Variants in MARCHF6 observed in about 807,000 individuals in gnomAD.
MARCHF6 encodes the protein membrane associated ring-CH-type finger 6, also known as E3 ubiquitin-protein ligase MARCHF6.
MARCHF6 carries 31 observed loss-of-function variants against 133.7 expected under a neutral mutation model. The ratio of observed to expected loss-of-function variants is 0.23; its 90% CI spans 0.17 to 0.31. The LOEUF is 0.31. Ranked by LOEUF, MARCHF6 falls within the 10% of genes least tolerant of loss-of-function variation. MARCHF6 has a pLI of 1.00. For missense variants in MARCHF6, 723 were observed against 1,121.6 expected (o/e 0.64, Z 5.08); for synonymous variants, 395 against 402.5 (o/e 0.98, Z 0.22).
chr5:10,373,633 G>A lies in MARCHF6; in HGVS notation c.20-4165G>A, dbSNP rs146495046. On this transcript the variant is annotated intron_variant, in intron 1 of 25. Transcript: ENST00000274140. ...GCCATACCCCAGGCCATAGTCAATG[G>A]CCGACCCGTCACGATGTTCCTGGAG... 2.9e-3 allele frequency among the ~76,000 whole-genome samples: 442 copies of A among 152,236 alleles called. 1 individual carries two copies. The highest frequency in any genetic ancestry group is 5.0e-3 in the Non-Finnish European group (339 of 68,024).
At chr5:10,402,502 G>T in intron 13 of MARCHF6, 31 bp from the exon 14 acceptor site, 9 of 1,612,146 alleles carry the variant, frequency 5.6e-6, no homozygotes, top group Non-Finnish European at 7.6e-6. Context: ...CTACATTTGG[G>T]TGATACTGAT....
chr5:10,417,842 G>A (rs1490107200), intron 22 of MARCHF6, among the ~76,000 whole-genome samples: 1 of 149,944 alleles, frequency 6.7e-6, no homozygotes, highest in East Asian at 2.0e-4. Flanking sequence ...TTATAAAATT[G>A]TTTAATGCTC....
chr5:10,397,438 A>G lies in MARCHF6; in HGVS notation c.913+94A>G, dbSNP rs575872880. 2.5e-5 allele frequency: 23 copies of G among 909,296 alleles called. 1 individual carries two copies. The South Asian group carries it at 3.9e-4, about 15-fold the overall frequency. 56.3% of individuals were successfully genotyped at this position (909,296 alleles called of 1,614,324 possible). A position where few individuals can be genotyped will look rare whatever the true frequency, so the allele number is the denominator to read the frequency against. On this transcript the variant is annotated intron_variant, in intron 10 of 25. Coordinates refer to ENST00000274140, the MANE Select transcript of MARCHF6 (RefSeq NM_005885.4). ...TATAGGTTTATTATTATTTTTTAAC[A>G]TAGAAATAAATACTAAGCAGTATAT...
At chr5:10,379,959 A>G (rs748098214) in intron 3 of MARCHF6, among the ~76,000 whole-genome samples, 1 of 152,096 alleles carries the variant, frequency 6.6e-6, no homozygotes, top group East Asian at 1.9e-4. Context: ...TAAGGTCAAT[A>G]TTTCATAAGC....
intron 1 of MARCHF6, among the ~76,000 whole-genome samples, chr5:10,375,173 G>C (rs1032308243): frequency 2.6e-5 from 4 of 152,224 alleles, no homozygotes; most frequent in African/African-American, 7.2e-5. Flanking sequence ...AGGCGCGAGC[G>C]GGAACTGGGG....
At chr5:10,385,337 A>T (rs997510983) in intron 4 of MARCHF6, among the ~76,000 whole-genome samples, 1 of 152,234 alleles carries the variant, frequency 6.6e-6, no homozygotes, top group Non-Finnish European at 1.5e-5. Context: ...ATAAAGACAT[A>T]ACAAAACTCA....
In MARCHF6 at chr5:10,402,417, C is replaced by T. The variant is rs267600311; in HGVS notation, c.1087C>T (p.Arg363Cys). 7 of 1,613,934 alleles carry T rather than the reference C, an allele frequency of 4.3e-6. No individual in the cohort carries two copies. Among genetic ancestry groups the T allele is most frequent in the East Asian group, 4.5e-5 (2 of 44,848 alleles). ...LATLVKFHRS[R>C]RLLGVCYIVV... The stretch of plus-strand genomic sequence containing the variant: ...AACTCTTGTGAAATTTCATAGATCT[C>T]GTCGCTTACTGGGAGTCTGCTATAT... Residue 363 changes from arginine to cysteine, a missense_variant, in exon 13 of 26, where the codon CGT becomes TGT. Arg to Cys is a radical substitution (Grantham distance 180). Around this residue, in one of 4 missense-constraint regions of MARCHF6, gnomAD observed 492 missense variants for 699.5 expected, o/e 0.70. Transcript: ENST00000274140.
intron 1 of MARCHF6, among the ~76,000 whole-genome samples, chr5:10,377,535 T>C (rs536153222): frequency 1.2e-3 from 180 of 152,340 alleles, no homozygotes; most frequent in African/African-American, 4.1e-3. Flanking sequence ...ACCATCTGTT[T>C]CTCTTATTTT....
intron 25 of MARCHF6, among the ~76,000 whole-genome samples, chr5:10,432,067 T>G (rs1740399241): frequency 6.6e-6 from 1 of 152,224 alleles, no homozygotes; most frequent in South Asian, 2.1e-4. Flanking sequence ...GCAGTAAGAT[T>G]AGCGTACTTT....
At chr5:10,404,476 A>G (rs944377307) in intron 15 of MARCHF6, among the ~76,000 whole-genome samples, 2 of 152,114 alleles carry the variant, frequency 1.3e-5, no homozygotes, top group African/African-American at 4.8e-5. Context: ...TCATTCCCCA[A>G]ATACTGAATG....
In MARCHF6 at chr5:10,394,147, A is replaced by G. The variant is rs1738038127; in HGVS notation, c.828+4A>G. ...TGAAGAGCTTACATGGGAAAGAGTA[A>G]GACCTTTTTCTGTCAAGTATCCTGG... On this transcript the variant is annotated splice_donor_region_variant and intron_variant, in intron 8 of 25. Coordinates refer to ENST00000274140, the MANE Select transcript of MARCHF6 (RefSeq NM_005885.4). The G allele has an allele frequency of 1.3e-6, 2 of 1,547,732 alleles. No homozygotes were observed. Among genetic ancestry groups the G allele is most frequent in the Admixed American group, 1.8e-5 (1 of 54,900 alleles).
chr5:10,397,309 T>C lies in MARCHF6; in HGVS notation c.878T>C (p.Val293Ala), dbSNP rs1360652913. The C allele has an allele frequency of 6.3e-7, 1 of 1,583,360 alleles. No individual in the cohort carries two copies. The highest frequency in any genetic ancestry group is 8.5e-7 in the Non-Finnish European group (1 of 1,170,566). Reference protein sequence around the residue: ...SLVFLEHVFWVVSLNTLFILV... With the variant: ...SLVFLEHVFWAVSLNTLFILV... ...TTCCTTTAGGAACATGTCTTCTGGG[T>C]GGTATCTTTAAATACACTGTTCATT... is the stretch of plus-strand genomic sequence containing the variant. The change falls in exon 10 of 26, where the codon GTG becomes GCG. Residue 293 changes from valine (V) to alanine (A), a missense_variant. Coordinates refer to ENST00000274140, the MANE Select transcript of MARCHF6 (RefSeq NM_005885.4).
At chr5:10,407,282 A>C in intron 17 of MARCHF6, 80 bp downstream of exon 17, 1 of 632,554 alleles carries the variant, frequency 1.6e-6, no homozygotes, top group Non-Finnish European at 2.6e-6. Flanking sequence ...TAAACATTTA[A>C]AACATTTCTT....
intron 14 of MARCHF6, 98 bp downstream of exon 14, chr5:10,402,705 G>T (rs577792350): frequency 9.6e-7 from 1 of 1,044,326 alleles, no homozygotes; most frequent in Non-Finnish European, 1.5e-6. Context: ...GCAAATATTT[G>T]ATAATTTGCT....
At chr5:10,364,167 G>T (rs2435991) in intron 1 of MARCHF6, among the ~76,000 whole-genome samples, 2 of 152,200 alleles carry the variant, frequency 1.3e-5, no homozygotes, top group African/African-American at 2.4e-5. Context: ...GGCTAAAATG[G>T]TAATAGAATG....
intron 23 of MARCHF6, among the ~76,000 whole-genome samples, chr5:10,424,958 G>T (rs1298565564): frequency 6.6e-6 from 1 of 152,172 alleles, no homozygotes; most frequent in African/African-American, 2.4e-5. Context: ...TATCCAAAAT[G>T]GCCAACATAA....
intron 16 of MARCHF6, among the ~76,000 whole-genome samples, chr5:10,406,630 C>A (rs747420461): frequency 2.0e-5 from 3 of 151,970 alleles, no homozygotes; most frequent in Non-Finnish European, 4.4e-5. Context: ...CATAGTGATT[C>A]GCCCACCTCA....
At chr5:10,361,589 A>T (rs1309317657) in intron 1 of MARCHF6, among the ~76,000 whole-genome samples, 2 of 152,084 alleles carry the variant, frequency 1.3e-5, no homozygotes, top group African/African-American at 4.8e-5. Context: ...TACCTCTTTA[A>T]AGATCCTGTC....
intron 22 of MARCHF6, 60 bp downstream of exon 22, chr5:10,417,464 C>A: frequency 6.2e-7 from 1 of 1,603,946 alleles, no homozygotes; most frequent in Non-Finnish European, 8.5e-7. Context: ...GAAAATAATC[C>A]TAGCCAGGCA....
Sources: gnomAD v4.1 joint callset for allele counts (sites outside exome capture counted in the v4.1 genomes callset) on GRCh38, gnomAD v4.1.1 for gene constraint, gnomAD v4.1.1 regional missense constraint, MANE v1.5 for transcripts, NCBI Gene and HGNC (gene_info 2026-07-23, HGNC 2026-07-21) for gene names.